The following GNE variants were observed in gnomAD, a reference collection of about 807,000 sequenced individuals.
GNE encodes bifunctional UDP-N-acetylglucosamine 2-epimerase/N-acetylmannosamine kinase.
Under a neutral mutation model 61.8 loss-of-function variants are expected in GNE, and 41 were observed. The ratio of observed to expected loss-of-function variants is 0.66; its 90% confidence interval spans 0.52 to 0.86. The LOEUF is 0.86. Among genes scored for constraint, GNE ranks in the 40% least tolerant of loss-of-function variants. The pLI is 0.00. For synonymous variants in GNE, 264 were observed against 326.4 expected (o/e 0.81, Z 2.06); for missense variants, 608 against 909.1 (o/e 0.67, Z 4.26).
chr9:36,217,426 TCAAC>T lies in GNE; in HGVS notation c.2104_2107del (p.Val702ThrfsTer48). ...GCTGGCAGCACCCAGCAGGGCGGGGTCAACCAAATCCGAAACCACCACATCCACG... is the reference window on the plus strand; with the variant it reads ...GCTGGCAGCACCCAGCAGGGCGGGGTCAAATCCGAAACCACCACATCCACG... On this transcript the variant is annotated frameshift_variant, in exon 12 of 12. Coordinates refer to ENST00000642385, the MANE Select transcript of GNE (RefSeq NM_005476.7). LOFTEE classifies it high-confidence loss of function. The T allele has an allele frequency of 6.2e-7, 1 of 1,613,950 alleles. No individual in the cohort carries two copies. The highest frequency in any genetic ancestry group is 8.5e-7 in the Non-Finnish European group (1 of 1,179,988).
At chr9:36,224,164 G>A (rs1411370181) in intron 7 of GNE, among the ~76,000 whole-genome samples, 1 of 152,076 alleles carries the variant, frequency 6.6e-6, no homozygotes, top group Non-Finnish European at 1.5e-5. Context: ...TGAGGTGACC[G>A]GGCATAGTGG....
At chr9:36,217,799 C>T (rs765188017) in intron 11 of GNE, among the ~76,000 whole-genome samples, 199 bp from the exon 12 acceptor site, 8 of 152,032 alleles carry the variant, frequency 5.3e-5, no homozygotes, top group Non-Finnish European at 2.9e-5. Context: ...GTGGAAAAAG[C>T]CGGGTGTACC....
At chr9:36,247,266 A>T (rs1420192929) in intron 2 of GNE, among the ~76,000 whole-genome samples, 2 of 152,014 alleles carry the variant, frequency 1.3e-5, no homozygotes, top group African/African-American at 2.4e-5. Flanking sequence ...CATGTTGGCC[A>T]GGATGGTCTC....
chr9:36,247,096 G>A (rs569449413), intron 2 of GNE, among the ~76,000 whole-genome samples: 17 of 151,348 alleles, frequency 1.1e-4, no homozygotes, highest in Admixed American at 9.2e-4. Flanking sequence ...TCGCTCTGTC[G>A]CCCAGGCTGG....
upstream of GNE, chr9:36,258,501 C>T (rs1830492763): frequency 2.0e-6 from 2 of 985,456 alleles, no homozygotes; most frequent in African/African-American, 1.7e-5. Context: ...CACGCCCACC[C>T]GGAGTGCCGA....
At chr9:36,223,529 C>T (rs1828706730) in intron 7 of GNE, 27 bp from the exon 8 acceptor site, 1 of 1,584,598 alleles carries the variant, frequency 6.3e-7, no homozygotes, top group East Asian at 2.2e-5. Context: ...CAAGTTCCGT[C>T]TTACTGGTCT....
Position 36,257,602 on chromosome 9 carries a change from G to C in GNE, c.-43+719C>G, listed in dbSNP as rs989845866. Among the ~76,000 whole-genome samples, 3 of 151,698 alleles carry C rather than the reference G, an allele frequency of 2.0e-5. No individual in the cohort carries two copies. The South Asian group carries it at 6.2e-4, about 32-fold the overall frequency. ...GCGGATCACGAGGTCAGGAGATCGA[G>C]ACCATCCTGGCTAACATGGTGAAAC... On this transcript the variant is annotated intron_variant, in intron 1 of 11. Transcript: ENST00000642385.
chr9:36,224,672 C>A (rs562468112), intron 7 of GNE, among the ~76,000 whole-genome samples: 1 of 151,950 alleles, frequency 6.6e-6, no homozygotes, highest in African/African-American at 2.4e-5. Context: ...GAGTTCAAGA[C>A]CAGCCTGCGC....
chr9:36,245,979 A>C, intron 3 of GNE, 52 bp downstream of exon 3: 1 of 1,367,242 alleles, frequency 7.3e-7, no homozygotes, highest in Non-Finnish European at 1.0e-6. Context: ...AATAGACGGA[A>C]CATTTTCTGA....
intron 6 of GNE, among the ~76,000 whole-genome samples, 185 bp downstream of exon 6, chr9:36,228,836 T>C (rs1373296176): frequency 6.6e-6 from 1 of 150,738 alleles, no homozygotes; most frequent in African/African-American, 2.4e-5. Flanking sequence ...GTATTCTACA[T>C]TGGAACCTTT....
rs761815140 is a variant in GNE, at chr9:36,227,402, G to C, written c.1127C>G (p.Ser376Cys). The C allele has an allele frequency of 6.2e-7, 1 of 1,612,660 alleles. No homozygotes were observed. The highest frequency in any genetic ancestry group is 1.7e-5 in the Admixed American group (1 of 59,998). ...TTGCAGTGGCTCTTGAAGATCGATA[G>C]ATTTGAGAAACTTCAAAATCCTTGG... ...AVPRILKFLKSIDLQEPLQKK... is the reference protein window; with the variant it reads ...AVPRILKFLKCIDLQEPLQKK... Residue 376 changes from serine to cysteine, a missense_variant, in exon 7 of 12, where the codon TCT becomes TGT. Ser to Cys is a moderately radical substitution (Grantham distance 112). Transcript: ENST00000642385.
rs1405276427 is a variant in GNE, at chr9:36,272,171, A to G, written c.51+4723T>C. ...GCGGTCTTATGAGATAGATGTGTGG[A>G]GGCAGAAAGTAACTGGGAGATGCAG... On this transcript the variant is annotated intron_variant, in intron 1 of 11. Coordinates refer to the GNE transcript ENST00000396594. 3.9e-5 allele frequency among the ~76,000 whole-genome samples: 6 copies of G among 152,228 alleles called. No individual in the cohort carries two copies. In the South Asian group the frequency reaches 1.2e-3, roughly 32 times the overall value.
At chr9:36,257,802 CAAAAAAAAAAAAAAAAAA>C (rs60845805) in intron 1 of GNE, among the ~76,000 whole-genome samples, 691 of 25,310 alleles carry the variant, frequency 0.027, 18 homozygotes, top group Middle Eastern at 0.062. Flanking sequence ...GACTCAGTCT[CAAAAAAAAAAAAAAAAAA>C]AAAAAAAAAA....
Position 36,218,421 on chromosome 9 carries a change from A to T in GNE, c.1817-122T>A, listed in dbSNP as rs957084530. On this transcript the variant is annotated intron_variant, in intron 10 of 11. Coordinates refer to ENST00000642385, the MANE Select transcript of GNE (RefSeq NM_005476.7). This position sits in a 1 kb window ranked among gnomAD's most constrained non-coding sequence, Gnocchi z 4.1. ...CGGTGTTTTCTTTTCACAATTGCAA[A>T]GCTTATCGTTCACAAACATCTCTAT... 9 of 738,060 alleles carry T rather than the reference A, an allele frequency of 1.2e-5. No homozygotes were observed. Among genetic ancestry groups the T allele is most frequent in the African/African-American group, 1.7e-5 (1 of 58,212 alleles). The allele number at this position is 738,060 out of a possible 1,614,324, so 45.7% of individuals were successfully genotyped here. A position where few individuals can be genotyped will look rare whatever the true frequency, so the allele number is the denominator to read the frequency against.
At chr9:36,273,156 T>G (rs1462178002) in intron 1 of GNE, among the ~76,000 whole-genome samples, 1 of 151,940 alleles carries the variant, frequency 6.6e-6, no homozygotes, top group Admixed American at 6.6e-5. Flanking sequence ...TCCATGAGAT[T>G]GAGGATCTGG....
chr9:36,220,694 T>A (rs1247897393), intron 9 of GNE, among the ~76,000 whole-genome samples: 1 of 152,196 alleles, frequency 6.6e-6, no homozygotes. Context: ...TTAAAATGTA[T>A]CACACACTAC....
chr9:36,239,352 C>G (rs1829537601), intron 3 of GNE, among the ~76,000 whole-genome samples: 1 of 151,978 alleles, frequency 6.6e-6, no homozygotes, highest in Non-Finnish European at 1.5e-5. Context: ...TCAACTCTAC[C>G]CATCCATGAG....
intron 1 of GNE, among the ~76,000 whole-genome samples, chr9:36,267,557 G>A (rs958201231): frequency 6.6e-6 from 1 of 151,866 alleles, no homozygotes; most frequent in Non-Finnish European, 1.5e-5. Context: ...TTAGTCAGGC[G>A]TGGTGGCAGG....
In GNE at chr9:36,216,168, C is replaced by A; in HGVS notation, c.*1197G>T. The A allele has an allele frequency of 2.6e-6, 1 of 389,694 alleles. No homozygotes were observed. Among genetic ancestry groups the A allele is most frequent in the South Asian group, 1.8e-5 (1 of 55,466 alleles). The allele number at this position is 389,694 out of a possible 1,614,324, so 24.1% of individuals were successfully genotyped here. A position where few individuals can be genotyped will look rare whatever the true frequency, so the allele number is the denominator to read the frequency against. On this transcript the variant is annotated 3_prime_UTR_variant, in exon 12 of 12. Coordinates refer to ENST00000642385, the MANE Select transcript of GNE (RefSeq NM_005476.7). The stretch of plus-strand genomic sequence containing the variant: ...AGTGTCTTGATTGTGGTGATGCTTT[C>A]ACAGGTATACATATGTCAAGGCTTA...
Sources: gnomAD v4.1 joint callset for allele counts (sites outside exome capture counted in the v4.1 genomes callset) on GRCh38, gnomAD v4.1.1 for gene constraint, Gnocchi (gnomAD v3.1) non-coding constraint, MANE v1.5 for transcripts, NCBI Gene and HGNC (gene_info 2026-07-23, HGNC 2026-07-21) for gene names.